The following KIF13A variants were observed in gnomAD, a reference collection of about 807,000 sequenced individuals.
The protein encoded by KIF13A is kinesin-like protein KIF13A.
Under a neutral mutation model 212.2 loss-of-function variants are expected in KIF13A, and 79 were observed. The ratio of observed to expected loss-of-function variants is 0.37; its 90% CI spans 0.31 to 0.45. The LOEUF is 0.45. Ranked by LOEUF, KIF13A falls within the 20% of genes least tolerant of loss-of-function variation. The pLI, the probability that KIF13A is intolerant of heterozygous loss-of-function variation, is 1.00. For synonymous variants in KIF13A, 789 were observed against 808.6 expected (o/e 0.98, Z 0.41); for missense variants, 1,901 against 2,209.0 (o/e 0.86, Z 2.79).
At chr6:17,894,501 T>TG (rs1475147841) in intron 3 of KIF13A, among the ~76,000 whole-genome samples, 3 of 152,120 alleles carry the variant, frequency 2.0e-5, no homozygotes, top group African/African-American at 7.2e-5. Flanking sequence ...TTCATAATCA[T>TG]GACTTTTTTT....
At position 17,850,473 on chromosome 6, in the gene KIF13A, A is replaced by T. The variant is rs763784847; in HGVS notation, c.583-16T>A. 27 of 1,605,488 alleles carry T rather than the reference A, an allele frequency of 1.7e-5. No individual in the cohort carries two copies. In the South Asian group the frequency reaches 3.0e-4, roughly 18 times the overall value. ...ACTCAATATCCTAGGGGCAAAGCAT[A>T]AGGAAAAGACCATAAGCAAAAACAC... On this transcript the variant is annotated splice_polypyrimidine_tract_variant and intron_variant, in intron 7 of 38. Coordinates refer to ENST00000259711, the MANE Select transcript of KIF13A (RefSeq NM_022113.6). This position sits in a 1 kb window ranked among gnomAD's most constrained non-coding sequence, Gnocchi z 6.2.
At position 17,771,353 on chromosome 6, in the gene KIF13A, A is replaced by G. The variant is rs969056748; in HGVS notation, c.4477-135T>C. The G allele has an allele frequency of 9.6e-6, 6 of 621,810 alleles. No homozygotes were observed. The highest frequency in any genetic ancestry group is 2.5e-4 in the Middle Eastern group (1 of 3,990). The allele number at this position is 621,810 out of a possible 1,614,324, so 38.5% of individuals were successfully genotyped here. ...TGAGTAATGCAGCAGCCAATTCTGC[A>G]GGCCAGAGTTAAACTACTGGAGAGA... On this transcript the variant is annotated intron_variant, in intron 37 of 38. Transcript: ENST00000259711. The surrounding 1 kb of genome is among the most constrained non-coding windows in gnomAD (Gnocchi z 5.4).
intron 19 of KIF13A, among the ~76,000 whole-genome samples, chr6:17,804,811 T>TAAAAAAAAAAAAAAAAA (rs56785510): frequency 4.3e-5 from 1 of 23,302 alleles, no homozygotes; most frequent in African/African-American, 1.1e-4. Flanking sequence ...CTGTCTCCAT[T>TAAAAAAAAAAAAAAAAA]AAAAAAAAAA....
intron 2 of KIF13A, among the ~76,000 whole-genome samples, chr6:17,940,746 C>G (rs955790180): frequency 2.0e-5 from 3 of 151,832 alleles, no homozygotes; most frequent in Non-Finnish European, 4.4e-5. Flanking sequence ...TCCCCCATAA[C>G]AAGAATTCCT....
At chr6:17,832,527 A>G (rs1302960192) in intron 12 of KIF13A, among the ~76,000 whole-genome samples, 5 of 152,022 alleles carry the variant, frequency 3.3e-5, no homozygotes, top group African/African-American at 1.2e-4. Flanking sequence ...AGTCCTAGCT[A>G]TTTGGGAGGC....
rs1198693474 is a variant in KIF13A at position 17,764,060 on chromosome 6, C to A, written c.*50G>T. 1.3e-6 allele frequency: 2 copies of A among 1,567,808 alleles called. No homozygotes were observed. Among genetic ancestry groups the A allele is most frequent in the East Asian group, 2.3e-5 (1 of 44,332 alleles). ...AAACAACTGGATGAATCTTTCCTAC[C>A]AAGTTGTTGCGGTGAAGGGCCTCTG... is the stretch of plus-strand genomic sequence containing the variant. On this transcript the variant is annotated 3_prime_UTR_variant, in exon 39 of 39. Transcript: ENST00000259711. This position sits in a 1 kb window ranked among gnomAD's most constrained non-coding sequence, Gnocchi z 5.1.
In KIF13A at chr6:17,982,794, C is replaced by T. The variant is rs183478156; in HGVS notation, c.146+4260G>A. Among the ~76,000 whole-genome samples, 112 of 152,272 alleles carry T rather than the reference C, an allele frequency of 7.4e-4. 1 individual carries two copies. The highest frequency in any genetic ancestry group is 2.5e-3 in the African/African-American group (104 of 41,560). Reference sequence around the variant, plus strand: ...CACGGGGATCAGACCCGTAAGCCAACCACCTATATTTTAAAAACCACCACT... The same window carrying T: ...CACGGGGATCAGACCCGTAAGCCAATCACCTATATTTTAAAAACCACCACT... On this transcript the variant is annotated intron_variant, in intron 2 of 38. Transcript: ENST00000259711. This position sits in a 1 kb window ranked among gnomAD's most constrained non-coding sequence, Gnocchi z 5.1.
rs1001097735 is a variant in KIF13A, at chr6:17,816,465, A to G, written c.2000+555T>C. 1.3e-5 allele frequency among the ~76,000 whole-genome samples: 2 copies of G among 152,098 alleles called. No homozygotes were observed. Among genetic ancestry groups the G allele is most frequent in the Admixed American group, 6.6e-5 (1 of 15,260 alleles). On this transcript the variant is annotated intron_variant, in intron 17 of 38. Coordinates refer to ENST00000259711, the MANE Select transcript of KIF13A (RefSeq NM_022113.6). This position sits in a 1 kb window ranked among gnomAD's most constrained non-coding sequence, Gnocchi z 4.3. ...CGATCCTCCCAGTGACCTTATAGGC[A>G]TGCACCACCACGCCTGGGTAATTTT...
rs528023559 is a variant in KIF13A, at chr6:17,900,035, T to C, written c.147-1855A>G. Among the ~76,000 whole-genome samples the C allele has an allele frequency of 1.3e-5, 2 of 152,206 alleles. No homozygotes were observed. The highest frequency in any genetic ancestry group is 2.1e-4 in the South Asian group (1 of 4,828). On this transcript the variant is annotated intron_variant, in intron 2 of 38. Coordinates refer to ENST00000259711, the MANE Select transcript of KIF13A (RefSeq NM_022113.6). This position sits in a 1 kb window ranked among gnomAD's most constrained non-coding sequence, Gnocchi z 4.6. ...TGCTTGCTTTATTCTTTAAAAGCCA[T>C]GAAAATCACTGCTTTATTTAAAAGA...
At chr6:17,873,074 C>T (rs769870456) in intron 4 of KIF13A, among the ~76,000 whole-genome samples, 7 of 152,166 alleles carry the variant, frequency 4.6e-5, no homozygotes, top group Admixed American at 3.9e-4. Context: ...CTAGGAAAGC[C>T]TATGGTCATA....
chr6:17,771,979 G>A lies in KIF13A; in HGVS notation c.4405C>T (p.Pro1469Ser), dbSNP rs746659694. The change falls in exon 37 of 39, where the codon CCC becomes TCC. Residue 1469 changes from proline (P) to serine (S), a missense_variant. Pro to Ser is a moderately conservative substitution (Grantham distance 74). Around this residue, in one of 5 missense-constraint regions of KIF13A, gnomAD observed 687 missense variants for 759.1 expected, o/e 0.90. Transcript: ENST00000259711. This position sits in a 1 kb window ranked among gnomAD's most constrained non-coding sequence, Gnocchi z 5.4. ...TGCTCCTCTTTTACAGGCATTAGGGGCTTGAAAAACTTTGGTGGCTGAGGA... is the reference window on the plus strand; with the variant it reads ...TGCTCCTCTTTTACAGGCATTAGGGACTTGAAAAACTTTGGTGGCTGAGGA... ...FSPQPPKFFKPLMPVKEEHKK... is the reference protein window; with the variant it reads ...FSPQPPKFFKSLMPVKEEHKK... 6 of 1,613,940 alleles carry A rather than the reference G, an allele frequency of 3.7e-6. No individual in the cohort carries two copies. Among genetic ancestry groups the A allele is most frequent in the Middle Eastern group, 3.3e-4 (2 of 6,060 alleles).
At position 17,915,945 on chromosome 6, in the gene KIF13A, AAAT is replaced by A. The variant is rs1299415658; in HGVS notation, c.147-17768_147-17766del. Among the ~76,000 whole-genome samples the A allele has an allele frequency of 2.4e-4, 32 of 131,108 alleles. No individual in the cohort carries two copies. The East Asian group carries it at 2.8e-3, about 11-fold the overall frequency. The allele number at this position is 131,108 out of a possible 152,430, so 86.0% of individuals were successfully genotyped here. On this transcript the variant is annotated intron_variant, in intron 2 of 38. Transcript: ENST00000259711. The surrounding 1 kb of genome is among the most constrained non-coding windows in gnomAD (Gnocchi z 4.4). The stretch of plus-strand genomic sequence containing the variant: ...GACAGAGAGCCAGTCTCAAAAAAAA[AAAT>A]AAAAATAAAAATAAAATAAAATAAA...
chr6:17,845,808 A>G (rs764432959), intron 9 of KIF13A, among the ~76,000 whole-genome samples: 3 of 152,214 alleles, frequency 2.0e-5, no homozygotes, highest in Non-Finnish European at 4.4e-5. Context: ...TAGGCCACGC[A>G]GTGTCTTAAT....
rs779356681 is a variant in KIF13A at position 17,785,616 on chromosome 6, C to T, written c.3387G>A (p.Arg1129=). The part of the protein sequence containing the change: ...KTEKTEDDVE[R]EAQLVEQWVG... ...CCCACTGCTCCACAAGCTGGGCTTC[C>T]CGCTCCACATCGTCCTCTGTTTTCT... Residue 1129 remains arginine, a synonymous_variant, in exon 28 of 39, where the codon CGG becomes CGA. Coordinates refer to ENST00000259711, the MANE Select transcript of KIF13A (RefSeq NM_022113.6). This position sits in a 1 kb window ranked among gnomAD's most constrained non-coding sequence, Gnocchi z 5.8. The T allele has an allele frequency of 1.2e-6, 2 of 1,606,088 alleles. No homozygotes were observed. Among genetic ancestry groups the T allele is most frequent in the Admixed American group, 3.4e-5 (2 of 58,840 alleles).
chr6:17,813,046 A>G (rs538444313), intron 17 of KIF13A, among the ~76,000 whole-genome samples: 1 of 152,320 alleles, frequency 6.6e-6, no homozygotes, highest in South Asian at 2.1e-4. Flanking sequence ...AATGGGTACA[A>G]TTATATCAGT....
chr6:17,833,898 T>G, intron 12 of KIF13A, 63 bp downstream of exon 12: 1 of 588,092 alleles, frequency 1.7e-6, no homozygotes, highest in Non-Finnish European at 2.8e-6. Context: ...GACAGCAAAC[T>G]ACACAGAAAA....
intron 13 of KIF13A, among the ~76,000 whole-genome samples, chr6:17,830,740 C>G (rs553478878): frequency 3.3e-5 from 5 of 152,160 alleles, no homozygotes; most frequent in Non-Finnish European, 7.3e-5. Flanking sequence ...AGAAGCATAA[C>G]TAAGAACCTC....
chr6:17,792,311 C>T (rs1020493978), intron 25 of KIF13A, among the ~76,000 whole-genome samples: 3 of 151,652 alleles, frequency 2.0e-5, no homozygotes, highest in African/African-American at 7.3e-5. Context: ...CAGTTTGGAG[C>T]ACACAGCCGA....
chr6:17,898,148 A>C lies in KIF13A; in HGVS notation c.159+20T>G. The C allele has an allele frequency of 6.2e-7, 1 of 1,612,416 alleles. No individual in the cohort carries two copies. Among genetic ancestry groups the C allele is most frequent in the Non-Finnish European group, 8.5e-7 (1 of 1,178,932 alleles). On this transcript the variant is annotated intron_variant, in intron 3 of 38. Coordinates refer to ENST00000259711, the MANE Select transcript of KIF13A (RefSeq NM_022113.6). The surrounding 1 kb of genome is among the most constrained non-coding windows in gnomAD (Gnocchi z 5.2). ...GCACACTAAGCCAGTATACATGCCA[A>C]ATTTCATATTAGTGCTTACCTTGGG...
Sources: gnomAD v4.1 joint callset for allele counts (sites outside exome capture counted in the v4.1 genomes callset) on GRCh38, gnomAD v4.1.1 for gene constraint, gnomAD v4.1.1 regional missense constraint, Gnocchi (gnomAD v3.1) non-coding constraint, MANE v1.5 for transcripts, NCBI Gene and HGNC (gene_info 2026-07-23, HGNC 2026-07-21) for gene names.